TFB2M: variants seen among roughly 807,000 people sequenced by gnomAD.
TFB2M encodes the protein dimethyladenosine transferase 2, mitochondrial.
Under a neutral mutation model 41.3 loss-of-function variants are expected in TFB2M, and 44 were observed. The observed-to-expected ratio is 1.07, with a 90% CI of 0.84 to 1.37. The LOEUF (loss-of-function observed/expected upper bound fraction) is 1.37, where lower values mean the gene tolerates loss of function less well. Ranked by LOEUF, TFB2M falls within the 40% of genes most tolerant of loss-of-function variation. TFB2M has a pLI of 0.00. For synonymous variants in TFB2M, 188 were observed against 176.8 expected, an observed-to-expected ratio of 1.06 and a Z score of -0.50; for missense variants, 496 against 490.2, an observed-to-expected ratio of 1.01 and a Z score of -0.11.
intron 4 of TFB2M, among the ~76,000 whole-genome samples, chr1:246,556,180 A>T (rs188657305): frequency 6.6e-6 from 1 of 152,330 alleles, no homozygotes; most frequent in East Asian, 1.9e-4. Flanking sequence ...TGCTAAGTGA[A>T]ATACGCCAGA....
chr1:246,542,506 T>G, intron 7 of TFB2M, among the ~76,000 whole-genome samples: 1 of 152,028 alleles, frequency 6.6e-6, no homozygotes, highest in South Asian at 2.1e-4. Context: ...ACCCCATCTC[T>G]ACAAAAATCG....
At chr1:246,541,518 GA>G (rs962077470) in intron 7 of TFB2M, among the ~76,000 whole-genome samples, 24 of 146,000 alleles carry the variant, frequency 1.6e-4, no homozygotes, top group East Asian at 1.0e-3. Flanking sequence ...GAAATAAGAA[GA>G]AAAAAAAAAG....
Position 246,548,589 on chromosome 1 carries a change from C to T in TFB2M, c.814G>A (p.Asp272Asn). 1 of 1,613,190 alleles carries T rather than the reference C, an allele frequency of 6.2e-7. No homozygotes were observed. The highest frequency in any genetic ancestry group is 8.5e-7 in the Non-Finnish European group (1 of 1,179,684). Residue 272 changes from aspartate (D) to asparagine (N), a missense_variant, in exon 6 of 8, where the codon GAT (aspartate) becomes AAT (asparagine). Physicochemically the swap from Asp to Asn is conservative, Grantham distance 23. Transcript: ENST00000366514. ...AGCGGCCCTTTCCGGGTGTATATAT[C>T]AAATGATGACCAAGGCTCCTGGGGA... ...VLHMEPWSSF[D>N]IYTRKGPLEN...
rs1659650036 is a variant in TFB2M, at chr1:246,565,903, C to G, written c.236G>C (p.Arg79Thr). ...LDFKRYVTDR[R>T]LAETLAQIYL... ...GATTTGCGCCAGGGTCTCAGCCAATCTCCGATCGGTTACGTAACGCTTAAA... is the reference window on the plus strand; with the variant it reads ...GATTTGCGCCAGGGTCTCAGCCAATGTCCGATCGGTTACGTAACGCTTAAA... The change falls in exon 1 of 8, where the codon AGA becomes ACA. Residue 79 changes from arginine (R) to threonine (T), a missense_variant. Coordinates refer to ENST00000366514, the MANE Select transcript of TFB2M (RefSeq NM_022366.3). 6.2e-7 allele frequency: 1 copy of G among 1,613,746 alleles called. No homozygotes were observed. The highest frequency in any genetic ancestry group is 1.3e-5 in the African/African-American group (1 of 75,060).
At chr1:246,552,710 CTTT>C (rs1330642120) in intron 4 of TFB2M, among the ~76,000 whole-genome samples, 2 of 151,738 alleles carry the variant, frequency 1.3e-5, no homozygotes, top group Non-Finnish European at 2.9e-5. Flanking sequence ...AAAAAAATTT[CTTT>C]TAATGTTTTA....
At chr1:246,550,526 C>T (rs1476919779) in intron 5 of TFB2M, among the ~76,000 whole-genome samples, 1 of 152,166 alleles carries the variant, frequency 6.6e-6, no homozygotes, top group African/African-American at 2.4e-5. Context: ...CTGAAGACCT[C>T]AGCATATTCT....
intron 2 of TFB2M, among the ~76,000 whole-genome samples, chr1:246,563,869 A>G (rs1659521611): frequency 6.6e-6 from 1 of 152,072 alleles, no homozygotes. Flanking sequence ...AAATATGAAA[A>G]AATTTGAAAT....
At chr1:246,551,621 C>T (rs1009161207) in intron 4 of TFB2M, among the ~76,000 whole-genome samples, 3 of 104,750 alleles carry the variant, frequency 2.9e-5, no homozygotes, top group Non-Finnish European at 5.9e-5. Flanking sequence ...CTTTGGGAGG[C>T]CAAGGTGGGA....
At chr1:246,553,315 C>T (rs1445956089) in intron 4 of TFB2M, among the ~76,000 whole-genome samples, 2 of 152,116 alleles carry the variant, frequency 1.3e-5, no homozygotes, top group East Asian at 1.9e-4. Flanking sequence ...ACGGACAATT[C>T]GAAAAACAAT....
intron 7 of TFB2M, among the ~76,000 whole-genome samples, chr1:246,544,036 G>A (rs1364034649): frequency 1.3e-5 from 2 of 152,120 alleles, no homozygotes; most frequent in Non-Finnish European, 2.9e-5. Flanking sequence ...CATAAAGCAA[G>A]TAGTGTTACT....
intron 4 of TFB2M, among the ~76,000 whole-genome samples, chr1:246,554,617 T>C (rs775137099): frequency 6.6e-6 from 1 of 152,206 alleles, no homozygotes; most frequent in Non-Finnish European, 1.5e-5. Context: ...GTGTTCCCAC[T>C]GATTCTACAT....
chr1:246,555,829 T>C (rs1014079463), intron 4 of TFB2M, among the ~76,000 whole-genome samples: 1 of 151,798 alleles, frequency 6.6e-6, no homozygotes, highest in Middle Eastern at 3.2e-3. Flanking sequence ...CTTGCTCTGT[T>C]GCCCAGGCTG....
Position 246,544,652 on chromosome 1 carries a change from C to T in TFB2M, c.888G>A (p.Leu296=). ...RELLDQLQQK[L]YLIQMIPRQN... is the part of the protein sequence containing the mutation. ...GACGAGGAATCATTTGAATAAGATACAGCTTTTGTTGTAATTGGTCTAATA... is the reference window on the plus strand; with the variant it reads ...GACGAGGAATCATTTGAATAAGATATAGCTTTTGTTGTAATTGGTCTAATA... Residue 296 remains leucine (L), a synonymous_variant, in exon 7 of 8, where the codon CTG becomes CTA. Transcript: ENST00000366514. 1.9e-6 allele frequency: 3 copies of T among 1,602,448 alleles called. No homozygotes were observed. Among genetic ancestry groups the T allele is most frequent in the African/African-American group, 1.3e-5 (1 of 74,154 alleles).
chr1:246,545,026 C>G (rs977394061), intron 6 of TFB2M, among the ~76,000 whole-genome samples: 3 of 151,150 alleles, frequency 2.0e-5, no homozygotes, highest in East Asian at 2.1e-4. Context: ...AGGATGGTCT[C>G]GATCTCCTGA....
At chr1:246,554,808 G>A (rs748153156) in intron 4 of TFB2M, among the ~76,000 whole-genome samples, 1 of 152,044 alleles carries the variant, frequency 6.6e-6, no homozygotes, top group East Asian at 1.9e-4. Context: ...GCCCAGCTAC[G>A]TATGATACCA....
In TFB2M at chr1:246,557,280, A is replaced by G. The variant is rs1055356736; in HGVS notation, c.556+101T>C. On this transcript the variant is annotated intron_variant, in intron 3 of 7. Transcript: ENST00000366514. ...AGAGTGAGACTCCATCTCAGAAAAC[A>G]AACAAATAAATAAAACACAAATTTC... 1.7e-5 allele frequency: 24 copies of G among 1,390,330 alleles called. No homozygotes were observed. The African/African-American group carries it at 3.6e-4, about 21-fold the overall frequency. The allele number at this position is 1,390,330 out of a possible 1,614,324, so 86.1% of individuals were successfully genotyped here.
chr1:246,553,199 C>T (rs12742513), intron 4 of TFB2M, among the ~76,000 whole-genome samples: 42,465 of 151,952 alleles, frequency 0.28, 6,592 homozygotes, highest in East Asian at 0.66. Context: ...CCAGCCTGGG[C>T]GACAGAGCAA....
intron 4 of TFB2M, among the ~76,000 whole-genome samples, chr1:246,554,246 C>A (rs1659260760): frequency 6.6e-6 from 1 of 152,208 alleles, no homozygotes; most frequent in Admixed American, 6.5e-5. Flanking sequence ...AGGAAACCTT[C>A]ACAACACTGG....
chr1:246,562,004 G>A (rs534424230), intron 2 of TFB2M, among the ~76,000 whole-genome samples: 5 of 151,754 alleles, frequency 3.3e-5, no homozygotes, highest in South Asian at 2.1e-4. Flanking sequence ...TTAAATCTTC[G>A]GACAATTATG....
Sources: gnomAD v4.1 joint callset for allele counts (sites outside exome capture counted in the v4.1 genomes callset) on GRCh38, gnomAD v4.1.1 for gene constraint, MANE v1.5 for transcripts, NCBI Gene and HGNC (gene_info 2026-07-23, HGNC 2026-07-21) for gene names.